STAG1: variants seen among roughly 807,000 people sequenced by gnomAD.
STAG1 encodes the protein STAG1 cohesin complex component.
STAG1 carries 26 observed loss-of-function variants against 170.9 expected under a neutral mutation model. The ratio of observed to expected loss-of-function variants is 0.15; its 90% confidence interval spans 0.11 to 0.21. The LOEUF (loss-of-function observed/expected upper bound fraction) is 0.21. STAG1 is among the 10% of genes least tolerant of loss of function. The pLI is 1.00. For missense variants in STAG1, 964 were observed against 1,509.5 expected (o/e 0.64, Z 5.99); for synonymous variants, 514 against 497.7 (o/e 1.03, Z -0.44).
At chr3:136,484,934 CTCGCGCACGGT>C in intron 9 of STAG1, among the ~76,000 whole-genome samples, 1 of 152,200 alleles carries the variant, frequency 6.6e-6, no homozygotes, top group East Asian at 2.0e-4. Context: ...CCTGCTTCGG[CTCGCGCACGGT>C]GCGCGCACAC....
chr3:136,695,033 C>T (rs1465492547), intron 1 of STAG1, among the ~76,000 whole-genome samples: 1 of 152,154 alleles, frequency 6.6e-6, no homozygotes, highest in East Asian at 1.9e-4. Flanking sequence ...AATTCCGACT[C>T]TTAAATGCAT....
At chr3:136,588,948 A>C (rs893545807) in intron 4 of STAG1, among the ~76,000 whole-genome samples, 8 of 152,078 alleles carry the variant, frequency 5.3e-5, no homozygotes, top group Admixed American at 5.2e-4. Context: ...TTTTTAGCAG[A>C]GAAGGGGTTT....
At chr3:136,463,491 A>G (rs1245293015) in intron 13 of STAG1, among the ~76,000 whole-genome samples, 1 of 152,152 alleles carries the variant, frequency 6.6e-6, no homozygotes. Context: ...TATTATTCAA[A>G]GCTAGTAATT....
intron 5 of STAG1, among the ~76,000 whole-genome samples, chr3:136,563,290 G>C (rs914357770): frequency 1.3e-5 from 2 of 152,156 alleles, no homozygotes; most frequent in Non-Finnish European, 1.5e-5. Flanking sequence ...ACGTTGGTTA[G>C]TAATTTTACA....
At chr3:136,593,173 G>A (rs917745586) in intron 4 of STAG1, among the ~76,000 whole-genome samples, 3 of 152,080 alleles carry the variant, frequency 2.0e-5, no homozygotes, top group East Asian at 1.9e-4. Context: ...GGTCACTCGC[G>A]CATGTTTTTT....
intron 1 of STAG1, among the ~76,000 whole-genome samples, chr3:136,637,118 T>C (rs1057199114): frequency 6.6e-6 from 1 of 152,226 alleles, no homozygotes; most frequent in Non-Finnish European, 1.5e-5. Flanking sequence ...CAAAATGATA[T>C]TTGACAGCCT....
At chr3:136,525,385 A>G (rs1243628875) in intron 6 of STAG1, among the ~76,000 whole-genome samples, 2 of 152,054 alleles carry the variant, frequency 1.3e-5, no homozygotes, top group African/African-American at 4.8e-5. Context: ...ATTTGCGTAG[A>G]GGTGTTTATA....
In STAG1 at chr3:136,498,233, T is replaced by TATATATATATACAC; in HGVS notation, c.902+1989_902+1990insGTGTATATATATAT. Reference sequence around the variant, plus strand: ...AATTATATATATATATATATATATATACACATACATATACATACACACACA... The same window carrying TATATATATATACAC: ...AATTATATATATATATATATATATATATATATATATACACACACATACATATACATACACACACA... On this transcript the variant is annotated intron_variant, in intron 9 of 33. Transcript: ENST00000383202. Among the ~76,000 whole-genome samples, 71 of 57,468 alleles carry TATATATATATACAC rather than the reference T, an allele frequency of 1.2e-3. 4 individuals are homozygous for TATATATATATACAC. Among genetic ancestry groups the TATATATATATACAC allele is most frequent in the East Asian group, 8.7e-3 (4 of 458 alleles). The allele number at this position is 57,468 out of a possible 152,430, so 37.7% of individuals were successfully genotyped here.
intron 5 of STAG1, among the ~76,000 whole-genome samples, chr3:136,546,511 G>A (rs933728539): frequency 2.0e-5 from 3 of 152,152 alleles, no homozygotes; most frequent in African/African-American, 7.2e-5. Flanking sequence ...ACTAAAGGGA[G>A]AAATAAAATG....
At chr3:136,406,702 A>T (rs577491449) in intron 21 of STAG1, among the ~76,000 whole-genome samples, 1 of 152,198 alleles carries the variant, frequency 6.6e-6, no homozygotes, top group Non-Finnish European at 1.5e-5. Flanking sequence ...TCTAGGAAAT[A>T]GGGGATTGAT....
At chr3:136,498,014 G>A (rs1052892658) in intron 9 of STAG1, among the ~76,000 whole-genome samples, 3 of 147,950 alleles carry the variant, frequency 2.0e-5, no homozygotes, top group African/African-American at 7.5e-5. Flanking sequence ...CCAACAGGGA[G>A]AAACTCCGTC....
At chr3:136,355,266 C>T (rs945421415) in intron 28 of STAG1, among the ~76,000 whole-genome samples, 3 of 143,730 alleles carry the variant, frequency 2.1e-5, no homozygotes, top group African/African-American at 5.1e-5. Context: ...GCAGGAGAAT[C>T]GCTGGAACCC....
intron 4 of STAG1, among the ~76,000 whole-genome samples, chr3:136,578,941 G>A (rs974945579): frequency 2.0e-5 from 3 of 152,182 alleles, no homozygotes; most frequent in Admixed American, 6.5e-5. Flanking sequence ...AAGGAAGTTC[G>A]TGGAACTTCC....
intron 2 of STAG1, among the ~76,000 whole-genome samples, chr3:136,623,916 C>G (rs1054503032): frequency 2.0e-5 from 3 of 152,026 alleles, no homozygotes; most frequent in African/African-American, 7.2e-5. Flanking sequence ...CGCCACTGCA[C>G]TCCAGCCTGG....
intron 22 of STAG1, among the ~76,000 whole-genome samples, chr3:136,379,994 G>C (rs1937860919): frequency 6.7e-6 from 1 of 148,734 alleles, no homozygotes; most frequent in Non-Finnish European, 1.5e-5. Flanking sequence ...GCCAGTTAGA[G>C]TAGTCACATC....
intron 9 of STAG1, among the ~76,000 whole-genome samples, chr3:136,479,178 C>T (rs1193443320): frequency 1.7e-4 from 25 of 146,380 alleles, no homozygotes; most frequent in East Asian, 8.2e-4. Flanking sequence ...CTGCACCCAC[C>T]AACGTGTCAT....
intron 1 of STAG1, among the ~76,000 whole-genome samples, chr3:136,699,429 CA>C (rs1442899817): frequency 6.6e-6 from 1 of 152,066 alleles, no homozygotes; most frequent in Non-Finnish European, 1.5e-5. Flanking sequence ...CTTGCTCTGT[CA>C]CCCAGGCTGG....
chr3:136,507,739 T>G (rs1259501910), intron 7 of STAG1, among the ~76,000 whole-genome samples: 1 of 152,304 alleles, frequency 6.6e-6, no homozygotes, highest in South Asian at 2.1e-4. Context: ...AAATAATGTC[T>G]ATGAAATTGG....
intron 1 of STAG1, among the ~76,000 whole-genome samples, chr3:136,722,874 G>A (rs1388527756): frequency 6.6e-6 from 1 of 152,128 alleles, no homozygotes; most frequent in Non-Finnish European, 1.5e-5. Context: ...GTATTTTTTT[G>A]GTGGAGACGG....
Sources: allele counts gnomAD v4.1 joint callset (sites outside exome capture counted in the v4.1 genomes callset), GRCh38; gene constraint gnomAD v4.1.1; transcripts MANE v1.5; gene names NCBI Gene and HGNC (gene_info 2026-07-23, HGNC 2026-07-21).